TMEM131: variants seen among roughly 807,000 people sequenced by gnomAD.
The protein encoded by TMEM131 is 2610524E03Rik.
Under a neutral mutation model 211.6 loss-of-function variants are expected in TMEM131, and 66 were observed. The observed-to-expected ratio is 0.31, with a 90% CI of 0.26 to 0.38. The LOEUF (loss-of-function observed/expected upper bound fraction) is 0.38, where lower values mean the gene tolerates loss of function less well. Ranked by LOEUF, TMEM131 falls within the 10% of genes least tolerant of loss-of-function variation. The probability of loss-of-function intolerance (pLI) is 1.00; values close to 1 mark genes in which losing one functional copy is unlikely to be tolerated. For synonymous variants in TMEM131, 844 were observed against 841.3 expected (o/e 1.00, Z -0.06); for missense variants, 2,036 against 2,299.3 (o/e 0.89, Z 2.34).
At chr2:97,871,253 C>A (rs563055459) in intron 4 of TMEM131, among the ~76,000 whole-genome samples, 1 of 152,216 alleles carries the variant, frequency 6.6e-6, no homozygotes, top group Admixed American at 6.5e-5. Flanking sequence ...TAAGAGAAAT[C>A]TGACATAGTT....
In TMEM131 at chr2:97,792,556, G is replaced by T. The variant is rs1251540665; in HGVS notation, c.3974C>A (p.Pro1325His). The T allele has an allele frequency of 6.2e-7, 1 of 1,613,328 alleles. No homozygotes were observed. The highest frequency in any genetic ancestry group is 8.5e-7 in the Non-Finnish European group (1 of 1,179,694). The change falls in exon 31 of 41, where the codon CCC becomes CAC. Residue 1325 changes from proline to histidine, a missense_variant. Pro to His is a moderately conservative substitution (Grantham distance 77). Coordinates refer to ENST00000186436, the MANE Select transcript of TMEM131 (RefSeq NM_015348.2). The part of the protein sequence containing the change: ...EPQPERLSPA[P>H]LAHPSHPERA... ...TTCTGGGTGGGAAGGGTGTGCGAGGGGGGCGGGAGACAGCCTTTCAGGCTG... is the reference window on the plus strand; with the variant it reads ...TTCTGGGTGGGAAGGGTGTGCGAGGTGGGCGGGAGACAGCCTTTCAGGCTG...
At chr2:97,801,493 A>G (rs1278075634) in intron 25 of TMEM131, among the ~76,000 whole-genome samples, 1 of 152,248 alleles carries the variant, frequency 6.6e-6, no homozygotes, top group African/African-American at 2.4e-5. Flanking sequence ...TCATGGGTTT[A>G]GCATTCATGG....
chr2:97,980,002 ATTG>A (rs1236796362), intron 1 of TMEM131, among the ~76,000 whole-genome samples: 1 of 152,162 alleles, frequency 6.6e-6, no homozygotes, highest in Admixed American at 6.5e-5. Flanking sequence ...TAATTTCAAT[ATTG>A]TTGTCTCAGA....
chr2:97,911,332 T>C (rs192741174), intron 2 of TMEM131, among the ~76,000 whole-genome samples: 5 of 152,340 alleles, frequency 3.3e-5, no homozygotes, highest in Non-Finnish European at 7.4e-5. Context: ...AGTAGACTTT[T>C]AAGGGTGACA....
At chr2:97,904,091 G>T (rs1421916354) in intron 3 of TMEM131, among the ~76,000 whole-genome samples, 2 of 151,878 alleles carry the variant, frequency 1.3e-5, no homozygotes, top group Non-Finnish European at 2.9e-5. Context: ...AAATATGAGG[G>T]TCTGAACCCT....
At chr2:97,940,136 C>G (rs1309296971) in intron 1 of TMEM131, among the ~76,000 whole-genome samples, 2 of 152,148 alleles carry the variant, frequency 1.3e-5, no homozygotes, top group East Asian at 3.9e-4. Context: ...CCTCTCTCAC[C>G]ACTCCTATTC....
At chr2:97,849,786 A>AT (rs1673529321) in intron 5 of TMEM131, among the ~76,000 whole-genome samples, 1 of 115,352 alleles carries the variant, frequency 8.7e-6, no homozygotes, top group African/African-American at 3.4e-5. Context: ...ACTCAAGCAT[A>AT]TTTTAGCCTG....
Position 97,759,708 on chromosome 2 carries a change from T to A in TMEM131, c.5150A>T (p.Asp1717Val). 1 of 1,613,668 alleles carries A rather than the reference T, an allele frequency of 6.2e-7. No homozygotes were observed. Among genetic ancestry groups the A allele is most frequent in the Non-Finnish European group, 8.5e-7 (1 of 1,179,800 alleles). Residue 1717 changes from aspartate to valine, a missense_variant, in exon 39 of 41, where the codon GAC becomes GTC. This residue lies in a region of TMEM131 where 1,623 missense variants were observed against 1,805.9 expected (regional missense o/e 0.90). Transcript: ENST00000186436. ...WSPVSNPSSP[D>V]FTPLNSFSAF... ...GGAGAACGAATTGAGGGGAGTGAAG[T>A]CAGGGCTGCTTGGGTTGCTGACGGG...
intron 8 of TMEM131, 59 bp downstream of exon 8, chr2:97,837,018 A>T: frequency 4.3e-6 from 6 of 1,384,812 alleles, no homozygotes; most frequent in Non-Finnish European, 6.2e-6. Context: ...ATATTTTCTA[A>T]TTTAAGAATA....
chr2:97,803,601 G>C (rs1367031656), intron 22 of TMEM131, among the ~76,000 whole-genome samples: 3 of 152,198 alleles, frequency 2.0e-5, no homozygotes, highest in Admixed American at 6.5e-5. Context: ...ATACTGGTAA[G>C]AGTACAAGTT....
intron 4 of TMEM131, among the ~76,000 whole-genome samples, chr2:97,885,156 C>A (rs571080797): frequency 2.9e-4 from 44 of 152,268 alleles, no homozygotes; most frequent in African/African-American, 1.1e-3. Context: ...TCTTGTAAGG[C>A]CAGTCTAGCA....
intron 35 of TMEM131, chr2:97,763,782 C>T (rs1679003763): frequency 6.6e-6 from 1 of 152,262 alleles, no homozygotes; most frequent in South Asian, 2.1e-4. Context: ...CGGGCAGCTC[C>T]TGTGGGTGGA....
At chr2:97,800,059 CAAATT>C (rs913217897) in intron 25 of TMEM131, among the ~76,000 whole-genome samples, 1 of 152,122 alleles carries the variant, frequency 6.6e-6, no homozygotes, top group Non-Finnish European at 1.5e-5. Context: ...TTATTTTAAA[CAAATT>C]AAATCACTAT....
intron 1 of TMEM131, among the ~76,000 whole-genome samples, chr2:97,944,207 G>A (rs566630270): frequency 6.6e-6 from 1 of 152,176 alleles, no homozygotes; most frequent in African/African-American, 2.4e-5. Flanking sequence ...ATTGATGAAT[G>A]CCAAGATAAC....
rs562699987 is a variant in TMEM131, at chr2:97,784,871, A to C, written c.4144+7515T>G. Among the ~76,000 whole-genome samples, 512 of 152,236 alleles carry C rather than the reference A, an allele frequency of 3.4e-3. 2 individuals carry two copies. The highest frequency in any genetic ancestry group is 0.017 in the Middle Eastern group (5 of 294). ...CCTAGCAAGACTGACCAAAAACCCC[A>C]AAAAATGAACAAAAATAACTAAAAA... On this transcript the variant is annotated intron_variant, in intron 31 of 40. Coordinates refer to ENST00000186436, the MANE Select transcript of TMEM131 (RefSeq NM_015348.2).
chr2:97,793,523 G>A lies in TMEM131; in HGVS notation c.3417C>T (p.Ala1139=), dbSNP rs1365356162. 15 of 1,613,410 alleles carry A rather than the reference G, an allele frequency of 9.3e-6. No individual in the cohort carries two copies. In the Admixed American group the frequency reaches 2.5e-4, roughly 27 times the overall value. Residue 1139 remains alanine, a synonymous_variant, in exon 30 of 41, where the codon GCC becomes GCT. Coordinates refer to ENST00000186436, the MANE Select transcript of TMEM131 (RefSeq NM_015348.2). ...SALFLLVIGT[A]YLEAQGIWEP... ...CCCATATTCCTTGAGCTTCCAAATAGGCTGTTCCAATGACCAAAAGAAACA... is the reference window on the plus strand; with the variant it reads ...CCCATATTCCTTGAGCTTCCAAATAAGCTGTTCCAATGACCAAAAGAAACA...
At chr2:97,903,829 G>T (rs1383618264) in intron 3 of TMEM131, among the ~76,000 whole-genome samples, 1 of 152,036 alleles carries the variant, frequency 6.6e-6, no homozygotes, top group Non-Finnish European at 1.5e-5. Flanking sequence ...GATTACAGGC[G>T]CATTTTGTAT....
chr2:97,818,789 T>C, intron 11 of TMEM131, 68 bp from the exon 12 acceptor site: 1 of 1,026,076 alleles, frequency 9.7e-7, no homozygotes, highest in East Asian at 2.6e-5. Context: ...CTTATACTTA[T>C]ACTGGAAAGT....
At chr2:97,827,966 C>T (rs1026585943) in intron 11 of TMEM131, among the ~76,000 whole-genome samples, 17 of 152,018 alleles carry the variant, frequency 1.1e-4, no homozygotes, top group African/African-American at 3.9e-4. Context: ...AGAATTGTTT[C>T]CTAAAGAAAA....
Sources: gnomAD v4.1 joint callset for allele counts (sites outside exome capture counted in the v4.1 genomes callset) on GRCh38, gnomAD v4.1.1 for gene constraint, gnomAD v4.1.1 regional missense constraint, MANE v1.5 for transcripts, NCBI Gene and HGNC (gene_info 2026-07-23, HGNC 2026-07-21) for gene names.